MAP3K13: variants seen among roughly 807,000 people sequenced by gnomAD.
MAP3K13 encodes the protein mitogen-activated protein kinase kinase kinase 13.
In MAP3K13, 52 loss-of-function variants were observed where a neutral mutation model predicts 104.0. The observed-to-expected ratio is 0.50, with a 90% CI of 0.40 to 0.63. The LOEUF (loss-of-function observed/expected upper bound fraction) is 0.63. Ranked by LOEUF, MAP3K13 falls within the 20% of genes least tolerant of loss-of-function variation. The probability of loss-of-function intolerance (pLI) is 0.00; values close to 1 mark genes in which losing one functional copy is unlikely to be tolerated. For synonymous variants in MAP3K13, 394 were observed against 442.2 expected (o/e 0.89, Z 1.37); for missense variants, 914 against 1,218.5 (o/e 0.75, Z 3.72).
At chr3:185,431,103 G>A (rs1163783131) in intron 2 of MAP3K13, among the ~76,000 whole-genome samples, 1 of 152,122 alleles carries the variant, frequency 6.6e-6, no homozygotes, top group Non-Finnish European at 1.5e-5. Flanking sequence ...ACTATCACCA[G>A]AACAGCAAGG....
At chr3:185,397,553 A>G (rs1389644495) in intron 1 of MAP3K13, among the ~76,000 whole-genome samples, 1 of 152,232 alleles carries the variant, frequency 6.6e-6, no homozygotes, top group Admixed American at 6.5e-5. Context: ...ATGTTGCTCT[A>G]TAGATAAACT....
chr3:185,470,828 T>C (rs1427479089), intron 10 of MAP3K13, among the ~76,000 whole-genome samples: 1 of 152,178 alleles, frequency 6.6e-6, no homozygotes, highest in Admixed American at 6.5e-5. Flanking sequence ...CAATTAAAAA[T>C]ATAAACTTTA....
intron 10 of MAP3K13, among the ~76,000 whole-genome samples, chr3:185,470,545 T>C (rs762005246): frequency 2.0e-5 from 3 of 152,198 alleles, no homozygotes; most frequent in Non-Finnish European, 4.4e-5. Context: ...TGCTGAGCTC[T>C]GTCTTTCCTC....
At chr3:185,387,501 C>T (rs992247077) in intron 1 of MAP3K13, among the ~76,000 whole-genome samples, 8 of 151,958 alleles carry the variant, frequency 5.3e-5, no homozygotes, top group Non-Finnish European at 1.0e-4. Flanking sequence ...CCAGGGAAAC[C>T]TTTTTTTAAA....
At chr3:185,394,293 C>G (rs1353779126) in intron 1 of MAP3K13, among the ~76,000 whole-genome samples, 1 of 152,120 alleles carries the variant, frequency 6.6e-6, no homozygotes, top group Non-Finnish European at 1.5e-5. Flanking sequence ...TTGTTTTATC[C>G]TGTGTCCCTC....
intron 1 of MAP3K13, among the ~76,000 whole-genome samples, chr3:185,387,885 C>T (rs1711788679): frequency 6.6e-6 from 1 of 152,050 alleles, no homozygotes; most frequent in Non-Finnish European, 1.5e-5. Context: ...TTCCTCTTTG[C>T]AGATAACATG....
In MAP3K13 at chr3:185,473,781, G is replaced by A; in HGVS notation, c.2430+20G>A. 6.3e-7 allele frequency: 1 copy of A among 1,595,848 alleles called. No individual in the cohort carries two copies. The highest frequency in any genetic ancestry group is 2.2e-5 in the East Asian group (1 of 44,734). Reference sequence around the variant, plus strand: ...CAGAAGGTAAAGTGTAATGATGAGAGTGGCCTGCGTCACTGCCTTCAAAGA... The same window carrying A: ...CAGAAGGTAAAGTGTAATGATGAGAATGGCCTGCGTCACTGCCTTCAAAGA... On this transcript the variant is annotated intron_variant, in intron 11 of 13. Transcript: ENST00000265026. The surrounding 1 kb of genome is among the most constrained non-coding windows in gnomAD (Gnocchi z 4.9).
intron 3 of MAP3K13, among the ~76,000 whole-genome samples, chr3:185,440,794 C>G (rs1169378314): frequency 6.6e-6 from 1 of 152,176 alleles, no homozygotes; most frequent in African/African-American, 2.4e-5. Context: ...GGGTTGGTAG[C>G]TGGCTGAAGG....
At chr3:185,419,994 A>T (rs977338244) in intron 1 of MAP3K13, among the ~76,000 whole-genome samples, 2 of 152,172 alleles carry the variant, frequency 1.3e-5, no homozygotes, top group African/African-American at 4.8e-5. Context: ...TTCAAAAGGT[A>T]ATTTGTCACC....
Position 185,363,380 on chromosome 3 carries a change from A to G in MAP3K13, c.-86+12A>G, listed in dbSNP as rs1043893697. The G allele has an allele frequency of 1.2e-5, 12 of 978,460 alleles. No individual in the cohort carries two copies. The African/African-American group carries it at 1.9e-4, about 16-fold the overall frequency. The allele number at this position is 978,460 out of a possible 1,614,324, so 60.6% of individuals were successfully genotyped here. On this transcript the variant is annotated intron_variant, in intron 1 of 13. Transcript: ENST00000265026. ...AATTCTTCGTTGTTGTGAGTATTGC[A>G]CTCTGTTTTTCCTGTTTCTTCAGTA...
chr3:185,454,615 T>TATATAGATATATATGAGATATATATG (rs1369840480), intron 7 of MAP3K13, among the ~76,000 whole-genome samples: 19 of 46,832 alleles, frequency 4.1e-4, no homozygotes, highest in South Asian at 1.6e-3. Context: ...ATATATATGA[T>TATATAGATATATATGAGATATATATG]ATATATATGA....
chr3:185,291,509 C>A, intron 2 of MAP3K13: 1 of 1,040,854 alleles, frequency 9.6e-7, no homozygotes, highest in South Asian at 1.8e-5. Flanking sequence ...AGCATGGTAT[C>A]TAGTAATCTG....
intron 2 of MAP3K13, among the ~76,000 whole-genome samples, chr3:185,353,030 A>G (rs2108732843): frequency 6.6e-6 from 1 of 152,376 alleles, no homozygotes; most frequent in South Asian, 2.1e-4. Flanking sequence ...GAGCTTTCCA[A>G]TGCGGCTTCA....
intron 12 of MAP3K13, among the ~76,000 whole-genome samples, chr3:185,479,655 A>G (rs1718333078): frequency 6.6e-6 from 1 of 152,218 alleles, no homozygotes; most frequent in Non-Finnish European, 1.5e-5. Flanking sequence ...GGGGAAATTA[A>G]AATTTCCTTC....
chr3:185,361,710 T>G (rs1480811685), upstream of MAP3K13, among the ~76,000 whole-genome samples: 1 of 152,194 alleles, frequency 6.6e-6, no homozygotes, highest in Non-Finnish European at 1.5e-5. Flanking sequence ...GCATGTTCGT[T>G]CTTAAATAAT....
At chr3:185,339,151 C>T (rs1357922376) in intron 2 of MAP3K13, among the ~76,000 whole-genome samples, 1 of 152,088 alleles carries the variant, frequency 6.6e-6, no homozygotes, top group East Asian at 1.9e-4. Flanking sequence ...GAAACCCCGT[C>T]TCTATTAAAA....
At chr3:185,287,102 T>A (rs776299267) in intron 2 of MAP3K13, among the ~76,000 whole-genome samples, 8 of 152,222 alleles carry the variant, frequency 5.3e-5, no homozygotes, top group Non-Finnish European at 8.8e-5. Context: ...ATTGTTACTA[T>A]TAAGATCTTA....
At chr3:185,466,409 C>T (rs1717431732) in intron 9 of MAP3K13, among the ~76,000 whole-genome samples, 1 of 117,440 alleles carries the variant, frequency 8.5e-6, no homozygotes, top group East Asian at 2.6e-4. Context: ...TGGAGTCTTG[C>T]TCTGTCACCC....
intron 3 of MAP3K13, among the ~76,000 whole-genome samples, chr3:185,440,631 A>G (rs1315363021): frequency 2.6e-5 from 4 of 152,210 alleles, no homozygotes; most frequent in African/African-American, 9.6e-5. Flanking sequence ...GTGGCATTTG[A>G]CAGGCACATC....
Sources: gnomAD v4.1 joint callset for allele counts (sites outside exome capture counted in the v4.1 genomes callset) on GRCh38, gnomAD v4.1.1 for gene constraint, Gnocchi (gnomAD v3.1) non-coding constraint, MANE v1.5 for transcripts, NCBI Gene and HGNC (gene_info 2026-07-23, HGNC 2026-07-21) for gene names.